BCKDK: variants seen among roughly 807,000 people sequenced by gnomAD.
The protein encoded by BCKDK is branched-chain alpha-ketoacid dehydrogenase kinase.
BCKDK carries 28 observed loss-of-function variants against 43.9 expected under a neutral mutation model. The ratio of observed to expected loss-of-function variants is 0.64; its 90% CI spans 0.47 to 0.87. The LOEUF is 0.87. BCKDK is among the 40% of genes least tolerant of loss of function. BCKDK has a pLI of 0.00. For synonymous variants in BCKDK, 257 were observed against 234.3 expected (o/e 1.10, Z -0.88); for missense variants, 483 against 581.4 (o/e 0.83, Z 1.74).
At chr16:31,113,682 C>T (rs1026288738), downstream of BCKDK, among the ~76,000 whole-genome samples, 4 of 152,196 alleles carry the variant, frequency 2.6e-5, no homozygotes, top group South Asian at 2.1e-4. Context: ...TATGTTGCCC[C>T]GGGCTGGACT....
At chr16:31,114,676 C>T (rs2044632407), downstream of BCKDK, among the ~76,000 whole-genome samples, 1 of 152,266 alleles carries the variant, frequency 6.6e-6, no homozygotes, top group African/African-American at 2.4e-5. Context: ...TGGCACTTTG[C>T]AATACACTTG....
In BCKDK at chr16:31,109,973, C is replaced by T. The variant is rs1473912506; in HGVS notation, c.376-104C>T. On this transcript the variant is annotated intron_variant, in intron 4 of 11. Coordinates refer to ENST00000219794, the MANE Select transcript of BCKDK (RefSeq NM_005881.4). The surrounding 1 kb of genome is among the most constrained non-coding windows in gnomAD (Gnocchi z 5.3). Reference sequence around the variant, plus strand: ...AAGGGTCGAAGTGGGGGTTTGATCACGTGGTCGACCAGCTGGGTGGTGATC... The same window carrying T: ...AAGGGTCGAAGTGGGGGTTTGATCATGTGGTCGACCAGCTGGGTGGTGATC... 2.8e-5 allele frequency: 43 copies of T among 1,521,080 alleles called. 2 individuals are homozygous for T. The East Asian group carries it at 9.5e-4, about 34-fold the overall frequency. 94.2% of individuals were successfully genotyped at this position (1,521,080 alleles called of 1,614,324 possible). A position where few individuals can be genotyped will look rare whatever the true frequency, so the allele number is the denominator to read the frequency against.
rs1399877339 is a variant in BCKDK, at chr16:31,111,946, C to T, written c.1013C>T (p.Ala338Val). 4 of 1,614,162 alleles carry T rather than the reference C, an allele frequency of 2.5e-6. No individual in the cohort carries two copies. The highest frequency in any genetic ancestry group is 2.2e-5 in the East Asian group (1 of 44,884). ...GACTACCACTTCACTACTGCTGAGGCCAGCACACAGGACCCCCGGATCAGC... is the reference window on the plus strand; with the variant it reads ...GACTACCACTTCACTACTGCTGAGGTCAGCACACAGGACCCCCGGATCAGC... ...VMDYHFTTAEASTQDPRISPL... is the reference protein window; with the variant it reads ...VMDYHFTTAEVSTQDPRISPL... The change falls in exon 11 of 12, where the codon GCC becomes GTC. Residue 338 changes from alanine to valine, a missense_variant. By Grantham distance (64) the Ala-to-Val change is moderately conservative. Coordinates refer to ENST00000219794, the MANE Select transcript of BCKDK (RefSeq NM_005881.4).
chr16:31,115,083 C>G (rs1030330433), downstream of BCKDK, among the ~76,000 whole-genome samples: 3 of 151,344 alleles, frequency 2.0e-5, no homozygotes, highest in Non-Finnish European at 4.4e-5. Context: ...CGCCACCACC[C>G]CTGACTGTTT....
Position 31,110,643 on chromosome 16 carries a change from TG to T in BCKDK, c.643-41del. On this transcript the variant is annotated intron_variant, in intron 7 of 11. Transcript: ENST00000219794. This position sits in a 1 kb window ranked among gnomAD's most constrained non-coding sequence, Gnocchi z 5.4. ...TTCCGAAGTTGCCAGCATCTTGGGG[TG>T]GGGCTAGGGGCGTGGGTAGTCCTGA... 3.7e-6 allele frequency: 6 copies of T among 1,605,380 alleles called. No homozygotes were observed. The highest frequency in any genetic ancestry group is 5.1e-6 in the Non-Finnish European group (6 of 1,172,484).
At position 31,110,600 on chromosome 16, in the gene BCKDK, G is replaced by T. The variant is rs2057403469; in HGVS notation, c.643-88G>T. On this transcript the variant is annotated intron_variant, in intron 7 of 11. Coordinates refer to ENST00000219794, the MANE Select transcript of BCKDK (RefSeq NM_005881.4). The surrounding 1 kb of genome is among the most constrained non-coding windows in gnomAD (Gnocchi z 5.4). The stretch of plus-strand genomic sequence containing the variant: ...AGGGCCTGGGGGCTGAGGCTGTGGG[G>T]CTGGTGCTTTGGGGCAGTTCCGAAG... 6.3e-7 allele frequency: 1 copy of T among 1,588,192 alleles called. No individual in the cohort carries two copies. Among genetic ancestry groups the T allele is most frequent in the African/African-American group, 1.3e-5 (1 of 74,312 alleles).
downstream of BCKDK, chr16:31,117,402 T>TAAATAAATAAATA (rs753420395): frequency 3.3e-3 from 601 of 180,892 alleles, 35 homozygotes; most frequent in South Asian, 0.19. Flanking sequence ...ATAAATAAAT[T>TAAATAAATAAATA]AAAAAAAGGT....
chr16:31,111,516 T>A, intron 10 of BCKDK, 127 bp downstream of exon 10: 1 of 1,076,274 alleles, frequency 9.3e-7, no homozygotes, highest in Non-Finnish European at 1.4e-6. Flanking sequence ...CCAGACAAAC[T>A]ATTCTCTGAA....
downstream of BCKDK, chr16:31,117,398 A>AAATAAATAAATTAATTAATT (rs377332555): frequency 8.6e-6 from 2 of 233,588 alleles, no homozygotes; most frequent in African/African-American, 4.5e-5. Context: ...ATAAATAAAT[A>AAATAAATAAATTAATTAATT]AATTAAAAAA....
downstream of BCKDK, among the ~76,000 whole-genome samples, chr16:31,113,092 G>C (rs1186866304): frequency 1.3e-5 from 2 of 152,250 alleles, no homozygotes; most frequent in African/African-American, 2.4e-5. Flanking sequence ...AAAGATATCA[G>C]GTAGGCTCAA....
rs2057420582 is a variant in BCKDK at position 31,112,331 on chromosome 16, C to G, written c.*66C>G. On this transcript the variant is annotated 3_prime_UTR_variant, in exon 12 of 12. Transcript: ENST00000219794. The surrounding 1 kb of genome is among the most constrained non-coding windows in gnomAD (Gnocchi z 5.0). The stretch of plus-strand genomic sequence containing the variant: ...GCATTCCCTGCAGGACCTCCCGGGT[C>G]AGGCAGGGCGGCCCCCTGCTCCACA... 1.3e-6 allele frequency: 2 copies of G among 1,597,784 alleles called. No homozygotes were observed. Among genetic ancestry groups the G allele is most frequent in the East Asian group, 2.2e-5 (1 of 44,854 alleles).
rs1193817905 is a variant in BCKDK at position 31,110,620 on chromosome 16, C to G, written c.643-68C>G. The G allele has an allele frequency of 2.5e-6, 4 of 1,594,352 alleles. No homozygotes were observed. In the African/African-American group the frequency reaches 5.4e-5, roughly 21 times the overall value. The stretch of plus-strand genomic sequence containing the variant: ...GTGGGGCTGGTGCTTTGGGGCAGTT[C>G]CGAAGTTGCCAGCATCTTGGGGTGG... On this transcript the variant is annotated intron_variant, in intron 7 of 11. Coordinates refer to ENST00000219794, the MANE Select transcript of BCKDK (RefSeq NM_005881.4). The surrounding 1 kb of genome is among the most constrained non-coding windows in gnomAD (Gnocchi z 5.4).
At position 31,109,165 on chromosome 16, in the gene BCKDK, TC is replaced by T; in HGVS notation, c.-57del. On this transcript the variant is annotated 5_prime_UTR_variant, in exon 2 of 12. Coordinates refer to ENST00000219794, the MANE Select transcript of BCKDK (RefSeq NM_005881.4). The surrounding 1 kb of genome is among the most constrained non-coding windows in gnomAD (Gnocchi z 5.3). ...CTTGCCCCATTTTGGGTCGCCTGGG[TC>T]CTCAGTCCTAGCGGATCCTCAGTCC... 1 of 1,394,124 alleles carries T rather than the reference TC, an allele frequency of 7.2e-7. No individual in the cohort carries two copies. 86.4% of individuals were successfully genotyped at this position (1,394,124 alleles called of 1,614,324 possible).
At chr16:31,114,294 C>CCG (rs1555502972), downstream of BCKDK, among the ~76,000 whole-genome samples, 212 of 144,742 alleles carry the variant, frequency 1.5e-3, 5 homozygotes, top group Middle Eastern at 0.014. Context: ...CGCCCCACCC[C>CCG]CCCCCAACCC....
rs370950849 is a variant in BCKDK, at chr16:31,110,391, C to T, written c.544-10C>T. On this transcript the variant is annotated splice_polypyrimidine_tract_variant and intron_variant, in intron 6 of 11. Transcript: ENST00000219794. This position sits in a 1 kb window ranked among gnomAD's most constrained non-coding sequence, Gnocchi z 5.4. ...AAGGGCACGGGATTCTGAGACCTCACTCTTTACAGGATGAAAAGCTCGTCC... is the reference window on the plus strand; with the variant it reads ...AAGGGCACGGGATTCTGAGACCTCATTCTTTACAGGATGAAAAGCTCGTCC... 502 of 1,614,022 alleles carry T rather than the reference C, an allele frequency of 3.1e-4. 6 individuals are homozygous for T. Among genetic ancestry groups the T allele is most frequent in the South Asian group, 2.4e-3 (217 of 91,088 alleles).
In BCKDK at chr16:31,110,412, C is replaced by A; in HGVS notation, c.555C>A (p.Leu185=). 1 of 1,613,874 alleles carries A rather than the reference C, an allele frequency of 6.2e-7. No individual in the cohort carries two copies. Among genetic ancestry groups the A allele is most frequent in the South Asian group, 1.1e-5 (1 of 91,066 alleles). Residue 185 remains leucine (L), a synonymous_variant, in exon 7 of 12, where the codon CTC becomes CTA. Coordinates refer to ENST00000219794, the MANE Select transcript of BCKDK (RefSeq NM_005881.4). This position sits in a 1 kb window ranked among gnomAD's most constrained non-coding sequence, Gnocchi z 5.4. ...CTCACTCTTTACAGGATGAAAAGCT[C>A]GTCCGCTACTTCTTGGACAAGACGC... is the stretch of plus-strand genomic sequence containing the variant. ...ESRKHIEDEK[L]VRYFLDKTLT... is the part of the protein sequence containing the mutation.
Position 31,109,155 on chromosome 16 carries a change from GT to G in BCKDK, c.-68del. 6 of 1,394,306 alleles carry G rather than the reference GT, an allele frequency of 4.3e-6. No homozygotes were observed. The highest frequency in any genetic ancestry group is 5.6e-6 in the Non-Finnish European group (6 of 1,069,336). 86.4% of individuals were successfully genotyped at this position (1,394,306 alleles called of 1,614,324 possible). A position where few individuals can be genotyped will look rare whatever the true frequency, so the allele number is the denominator to read the frequency against. On this transcript the variant is annotated 5_prime_UTR_variant, in exon 2 of 12. Coordinates refer to ENST00000219794, the MANE Select transcript of BCKDK (RefSeq NM_005881.4). The surrounding 1 kb of genome is among the most constrained non-coding windows in gnomAD (Gnocchi z 5.3). ...CCCACACCCCCTTGCCCCATTTTGG[GT>G]CGCCTGGGTCCTCAGTCCTAGCGGA...
In BCKDK at chr16:31,110,043, C is replaced by G; in HGVS notation, c.376-34C>G. ...GGCTGTTCTCTGCTCAGTGCCCATG[C>G]GGCTTTGTGAATTCCCACACCTCTT... On this transcript the variant is annotated intron_variant, in intron 4 of 11. Coordinates refer to ENST00000219794, the MANE Select transcript of BCKDK (RefSeq NM_005881.4). This position sits in a 1 kb window ranked among gnomAD's most constrained non-coding sequence, Gnocchi z 5.4. 2.5e-6 allele frequency: 4 copies of G among 1,613,928 alleles called. No individual in the cohort carries two copies. The highest frequency in any genetic ancestry group is 3.4e-6 in the Non-Finnish European group (4 of 1,179,950).
Position 31,110,265 on chromosome 16 carries a change from C to A in BCKDK, c.484C>A (p.His162Asn). The A allele has an allele frequency of 6.2e-7, 1 of 1,614,014 alleles. No homozygotes were observed. Among genetic ancestry groups the A allele is most frequent in the South Asian group, 1.1e-5 (1 of 91,070 alleles). Reference protein sequence around the residue: ...CQLVRQLLDDHKDVVTLLAEG... With the variant: ...CQLVRQLLDDNKDVVTLLAEG... ...GCTGGTGCGACAGCTGCTGGATGACCACAAGGATGTGGTGACCCTCTTGGC... is the reference window on the plus strand; with the variant it reads ...GCTGGTGCGACAGCTGCTGGATGACAACAAGGATGTGGTGACCCTCTTGGC... The change falls in exon 6 of 12, where the codon CAC (histidine) becomes AAC (asparagine). Residue 162 changes from histidine to asparagine, a missense_variant. Transcript: ENST00000219794. This position sits in a 1 kb window ranked among gnomAD's most constrained non-coding sequence, Gnocchi z 5.4.
Sources: allele counts gnomAD v4.1 joint callset (sites outside exome capture counted in the v4.1 genomes callset), GRCh38; gene constraint gnomAD v4.1.1; non-coding constraint Gnocchi (gnomAD v3.1); transcripts MANE v1.5; gene names NCBI Gene and HGNC (gene_info 2026-07-23, HGNC 2026-07-21).